The following RNF170 variants were observed in gnomAD, a reference collection of about 807,000 sequenced individuals.
The protein encoded by RNF170 is ring finger protein 170, also known as E3 ubiquitin-protein ligase RNF170.
Under a neutral mutation model 32.7 loss-of-function variants are expected in RNF170, and 12 were observed. The ratio of observed to expected loss-of-function variants is 0.37; its 90% CI spans 0.24 to 0.60. The LOEUF (loss-of-function observed/expected upper bound fraction) is 0.60, where lower values mean the gene tolerates loss of function less well. RNF170 is among the 20% of genes least tolerant of loss of function. RNF170 has a pLI of 0.72. For missense variants in RNF170, 212 were observed against 311.2 expected, an observed-to-expected ratio of 0.68 and a Z score of 2.40; for synonymous variants, 91 against 103.6, an observed-to-expected ratio of 0.88 and a Z score of 0.74.
chr8:42,859,164 AAAAC>A lies in RNF170; in HGVS notation c.507+2577_507+2580del, dbSNP rs371100601. ...GCACCACCGCACTCGAGCCTGTCTCAAAACAAACAAACAAAATAGAAGTTTTCAA... is the reference window on the plus strand; with the variant it reads ...GCACCACCGCACTCGAGCCTGTCTCAAAACAAACAAAATAGAAGTTTTCAA... On this transcript the variant is annotated intron_variant, in intron 6 of 6. Coordinates refer to ENST00000527424, the MANE Select transcript of RNF170 (RefSeq NM_030954.4). Among the ~76,000 whole-genome samples the A allele has an allele frequency of 1.4e-4, 22 of 152,252 alleles. No individual in the cohort carries two copies. The East Asian group carries it at 3.9e-3, about 27-fold the overall frequency.
downstream of RNF170, among the ~76,000 whole-genome samples, chr8:42,851,811 T>C (rs1051212455): frequency 6.6e-6 from 1 of 152,072 alleles, no homozygotes; most frequent in Non-Finnish European, 1.5e-5. Context: ...CTAATTTTAT[T>C]TGTAGAGACG....
intron 6 of RNF170, among the ~76,000 whole-genome samples, chr8:42,856,924 C>T (rs906715277): frequency 6.6e-6 from 1 of 152,142 alleles, no homozygotes; most frequent in East Asian, 1.9e-4. Flanking sequence ...AAAAGGTTCC[C>T]TGGCAAGCGG....
chr8:42,861,474 G>A, intron 6 of RNF170: 2 of 354,912 alleles, frequency 5.6e-6, no homozygotes, highest in Non-Finnish European at 1.1e-5. Flanking sequence ...CCAAGAAGCA[G>A]GGACTACAGG....
At chr8:42,882,590 A>G (rs764893122) in intron 2 of RNF170, among the ~76,000 whole-genome samples, 4 of 152,224 alleles carry the variant, frequency 2.6e-5, no homozygotes, top group Non-Finnish European at 5.9e-5. Context: ...CTTTGAAAAT[A>G]TTATGCTAAG....
In RNF170 at chr8:42,863,980, A is replaced by AGTGTGTGAGT. The variant is rs1554603756; in HGVS notation, c.396+1435_396+1436insACTCACACAC. ...AAGGCTGAAGGAGAGAGAGAGAGAGAGTGTGTGTGTGTGTGTGTGTGTGTG... is the reference window on the plus strand; with the variant it reads ...AAGGCTGAAGGAGAGAGAGAGAGAGAGTGTGTGAGTGTGTGTGTGTGTGTGTGTGTGTGTG... On this transcript the variant is annotated intron_variant, in intron 5 of 6. Transcript: ENST00000527424. 4.3e-5 allele frequency among the ~76,000 whole-genome samples: 6 copies of AGTGTGTGAGT among 139,584 alleles called. No individual in the cohort carries two copies. In the East Asian group the frequency reaches 1.1e-3, roughly 25 times the overall value. 91.6% of individuals were successfully genotyped at this position (139,584 alleles called of 152,430 possible).
Position 42,854,037 on chromosome 8 carries a change from A to G in RNF170, c.*2122T>C, listed in dbSNP as rs1803055367. 7.8e-7 allele frequency: 1 copy of G among 1,287,120 alleles called. No homozygotes were observed. The highest frequency in any genetic ancestry group is 2.3e-5 in the Admixed American group (1 of 43,540). The allele number at this position is 1,287,120 out of a possible 1,614,324, so 79.7% of individuals were successfully genotyped here. On this transcript the variant is annotated 3_prime_UTR_variant, in exon 7 of 7. Transcript: ENST00000527424. ...TGTAATTGGTAGGAAATGCATTTCC[A>G]GTCTGGTACATGGCAGTGTGACAAA... is the stretch of plus-strand genomic sequence containing the variant.
In RNF170 at chr8:42,856,234, G is replaced by C; in HGVS notation, c.702C>G (p.Phe234Leu). ...AGATAAGCAATAAAAAGATGACAAA[G>C]AAATCATCTAGAAAGCCTAGAATTC... ...LFGILGFLDD[F>L]FVIFLLLIYI... Residue 234 changes from phenylalanine to leucine, a missense_variant, in exon 7 of 7, where the codon TTC (phenylalanine) becomes TTG (leucine). Transcript: ENST00000527424. 1 of 1,610,938 alleles carries C rather than the reference G, an allele frequency of 6.2e-7. No homozygotes were observed. Among genetic ancestry groups the C allele is most frequent in the Non-Finnish European group, 8.5e-7 (1 of 1,178,696 alleles).
intron 3 of RNF170, among the ~76,000 whole-genome samples, chr8:42,870,719 A>T (rs1263400421): frequency 6.6e-6 from 1 of 152,130 alleles, no homozygotes; most frequent in Non-Finnish European, 1.5e-5. Context: ...ACAGAGCGAG[A>T]CCCTGTCTCA....
chr8:42,889,633 G>A (rs948766688), intron 1 of RNF170, among the ~76,000 whole-genome samples: 2 of 152,068 alleles, frequency 1.3e-5, no homozygotes, highest in Non-Finnish European at 2.9e-5. Flanking sequence ...ACAGATGAAA[G>A]GCAGCTTTCA....
At chr8:42,857,220 C>T (rs774434749) in intron 6 of RNF170, among the ~76,000 whole-genome samples, 98 of 152,248 alleles carry the variant, frequency 6.4e-4, no homozygotes, top group Non-Finnish European at 1.1e-3. Flanking sequence ...GAGACAAAAA[C>T]GCAAAGAACT....
chr8:42,854,400 A>G lies in RNF170; in HGVS notation c.*1759T>C, dbSNP rs891343699. 5 of 1,287,264 alleles carry G rather than the reference A, an allele frequency of 3.9e-6. No individual in the cohort carries two copies. The African/African-American group carries it at 6.1e-5, about 16-fold the overall frequency. The allele number at this position is 1,287,264 out of a possible 1,614,324, so 79.7% of individuals were successfully genotyped here. A position where few individuals can be genotyped will look rare whatever the true frequency, so the allele number is the denominator to read the frequency against. On this transcript the variant is annotated 3_prime_UTR_variant, in exon 7 of 7. Coordinates refer to ENST00000527424, the MANE Select transcript of RNF170 (RefSeq NM_030954.4). ...ACTTCATTCAAAAACACTTTCATCA[A>G]TAGCATGGGGATTGTATCTATGAAA...
chr8:42,879,296 T>A (rs1468431127), intron 2 of RNF170, among the ~76,000 whole-genome samples: 1 of 152,212 alleles, frequency 6.6e-6, no homozygotes, highest in East Asian at 1.9e-4. Flanking sequence ...ATTCCTCTGA[T>A]GGATCTGGGG....
rs1212174188 is a variant in RNF170 at position 42,865,508 on chromosome 8, C to T, written c.323-19G>A. Reference sequence around the variant, plus strand: ...CAGGCACCTAATAGACAAAACAAAACAAACACATAACCCATTAATATTGAT... The same window carrying T: ...CAGGCACCTAATAGACAAAACAAAATAAACACATAACCCATTAATATTGAT... On this transcript the variant is annotated intron_variant, in intron 4 of 6. Coordinates refer to ENST00000527424, the MANE Select transcript of RNF170 (RefSeq NM_030954.4). The T allele has an allele frequency of 6.4e-7, 1 of 1,571,998 alleles. No homozygotes were observed. The highest frequency in any genetic ancestry group is 1.7e-5 in the Admixed American group (1 of 59,936).
chr8:42,858,614 G>A (rs1052611980), intron 6 of RNF170, among the ~76,000 whole-genome samples: 12 of 152,164 alleles, frequency 7.9e-5, no homozygotes, highest in African/African-American at 1.2e-4. Context: ...TACAGAGGGC[G>A]CCACAGAGCA....
In RNF170 at chr8:42,891,375, TAA is replaced by T. The variant is rs912953293; in HGVS notation, c.-7-3506_-7-3505del. Reference sequence around the variant, plus strand: ...CTAAAAAAAGACTAAGTCTTTTTTTTAAAAGAGACCAGATCTCCTCCTTCTAA... The same window carrying T: ...CTAAAAAAAGACTAAGTCTTTTTTTTAAGAGACCAGATCTCCTCCTTCTAA... On this transcript the variant is annotated intron_variant, in intron 1 of 6. Coordinates refer to ENST00000527424, the MANE Select transcript of RNF170 (RefSeq NM_030954.4). Among the ~76,000 whole-genome samples, 5 of 152,274 alleles carry T rather than the reference TAA, an allele frequency of 3.3e-5. No homozygotes were observed. The East Asian group carries it at 7.7e-4, about 24-fold the overall frequency.
At chr8:42,863,978 A>AGT (rs776257416) in intron 5 of RNF170, among the ~76,000 whole-genome samples, 22 of 70,136 alleles carry the variant, frequency 3.1e-4, no homozygotes, top group South Asian at 5.9e-4. Context: ...AGAGAGAGAG[A>AGT]GAGTGTGTGT....
At chr8:42,895,331 C>A (rs1202206108) in intron 1 of RNF170, among the ~76,000 whole-genome samples, 1 of 152,036 alleles carries the variant, frequency 6.6e-6, no homozygotes, top group African/African-American at 2.4e-5. Flanking sequence ...CAACAAAAAA[C>A]CCCACTCAAT....
chr8:42,870,799 C>T (rs1337650203), intron 3 of RNF170, among the ~76,000 whole-genome samples: 2 of 152,124 alleles, frequency 1.3e-5, no homozygotes, highest in Non-Finnish European at 2.9e-5. Context: ...ACATCTTTTT[C>T]ATTTTAAAAG....
intron 6 of RNF170, among the ~76,000 whole-genome samples, chr8:42,857,698 AATT>A (rs1803346792): frequency 6.6e-6 from 1 of 152,204 alleles, no homozygotes; most frequent in African/African-American, 2.4e-5. Flanking sequence ...AAAAAATAAT[AATT>A]GAGTAATAGT....
Sources: gnomAD v4.1 joint callset for allele counts (sites outside exome capture counted in the v4.1 genomes callset) on GRCh38, gnomAD v4.1.1 for gene constraint, MANE v1.5 for transcripts, NCBI Gene and HGNC (gene_info 2026-07-23, HGNC 2026-07-21) for gene names.